Variants in MECOM observed in about 807,000 individuals in gnomAD.
MECOM encodes the protein MDS1 and EVI1 complex locus.
A neutral mutation model predicts 116.3 loss-of-function variants in MECOM; 13 were observed. That is an observed-to-expected ratio of 0.11 (90% confidence interval 0.07 to 0.18). The LOEUF is 0.18. MECOM is among the 10% of genes least tolerant of loss of function. MECOM has a pLI of 1.00. For missense variants in MECOM, 1,299 were observed against 1,509.0 expected (o/e 0.86, Z 2.31); for synonymous variants, 528 against 535.2 (o/e 0.99, Z 0.19).
Position 169,611,839 on chromosome 3 carries a change from A to C in MECOM, c.37+51497T>G, listed in dbSNP as rs1317339045. On this transcript the variant is annotated intron_variant, in intron 1 of 16. Coordinates refer to ENST00000651503, the MANE Select transcript of MECOM (RefSeq NM_004991.4). The surrounding 1 kb of genome is among the most constrained non-coding windows in gnomAD (Gnocchi z 4.1). ...TGTCCAGAAATCAGTAAAGAACATC[A>C]ATCTTGGTTGGGATAAATTTAAGTA... 6.6e-6 allele frequency among the ~76,000 whole-genome samples: 1 copy of C among 152,152 alleles called. No individual in the cohort carries two copies. Among genetic ancestry groups the C allele is most frequent in the Non-Finnish European group, 1.5e-5 (1 of 68,038 alleles).
chr3:169,594,008 C>T (rs537365325), intron 1 of MECOM, among the ~76,000 whole-genome samples: 2 of 151,878 alleles, frequency 1.3e-5, no homozygotes, highest in African/African-American at 4.8e-5. Flanking sequence ...GTAGTCCCAG[C>T]TACTCAGGAG....
chr3:169,597,605 A>G (rs1445549794), intron 1 of MECOM, among the ~76,000 whole-genome samples: 1 of 152,188 alleles, frequency 6.6e-6, no homozygotes, highest in Non-Finnish European at 1.5e-5. Flanking sequence ...AAAATATAAT[A>G]AGCAGATACA....
chr3:169,480,025 A>G (rs977084325), intron 1 of MECOM, among the ~76,000 whole-genome samples: 3 of 152,232 alleles, frequency 2.0e-5, no homozygotes, highest in Admixed American at 6.5e-5. Flanking sequence ...TACTTTCCAC[A>G]GTGAAGACAA....
Position 169,102,130 on chromosome 3 carries a change from T to G in MECOM, c.2701A>C (p.Asn901His), listed in dbSNP as rs758423143. The change falls in exon 11 of 17, where the codon AAC becomes CAC. Residue 901 changes from asparagine (N) to histidine (H), a missense_variant. Physicochemically the swap from Asn to His is moderately conservative, Grantham distance 68. Around this residue, in one of 6 missense-constraint regions of MECOM, gnomAD observed 340 missense variants for 312.6 expected, o/e 1.09. Transcript: ENST00000651503. ...AGGGCATTGGGAGGCGCCCTGAAGT[T>G]GAACATAGAGGGCACTGACTGTAAG... ...ELLQSVPSMF[N>H]FRAPPNALPE... 23 of 1,613,922 alleles carry G rather than the reference T, an allele frequency of 1.4e-5. No homozygotes were observed. Among genetic ancestry groups the G allele is most frequent in the Non-Finnish European group, 1.4e-5 (17 of 1,179,904 alleles).
intron 2 of MECOM, among the ~76,000 whole-genome samples, chr3:169,178,407 T>C (rs1745487248): frequency 6.6e-6 from 1 of 152,190 alleles, no homozygotes. Flanking sequence ...ATCTCCCAAA[T>C]AGAGCAGAGT....
At chr3:169,121,262 A>G (rs771691473) in intron 6 of MECOM, 53 bp from the exon 7 acceptor site, 40 of 1,518,656 alleles carry the variant, frequency 2.6e-5, no homozygotes, top group Non-Finnish European at 3.6e-5. Flanking sequence ...AGGGCACAAT[A>G]AAGAAGACCC....
intron 2 of MECOM, among the ~76,000 whole-genome samples, chr3:169,296,197 T>C (rs981680018): frequency 2.0e-5 from 3 of 152,150 alleles, no homozygotes; most frequent in Non-Finnish European, 4.4e-5. Context: ...CCTCCAGCTA[T>C]GGGACTCCTA....
At chr3:169,205,458 G>A (rs948067918) in intron 2 of MECOM, among the ~76,000 whole-genome samples, 40 of 152,152 alleles carry the variant, frequency 2.6e-4, no homozygotes, top group African/African-American at 8.7e-4. Flanking sequence ...AGGCCACACC[G>A]TACTGTACAT....
intron 1 of MECOM, among the ~76,000 whole-genome samples, chr3:169,555,500 T>C (rs1430987480): frequency 6.6e-6 from 1 of 152,210 alleles, no homozygotes; most frequent in Non-Finnish European, 1.5e-5. Flanking sequence ...TACACTTGGT[T>C]ACAAAAGAAA....
intron 1 of MECOM, 123 bp from the exon 2 acceptor site, chr3:169,381,647 G>T: frequency 1.4e-6 from 1 of 740,194 alleles, no homozygotes; most frequent in Non-Finnish European, 2.1e-6. Flanking sequence ...GTTACGATGT[G>T]CCTTCATTAA....
intron 2 of MECOM, among the ~76,000 whole-genome samples, chr3:169,302,475 CATTATA>C (rs776295542): frequency 3.3e-5 from 5 of 152,138 alleles, no homozygotes; most frequent in Admixed American, 6.5e-5. Flanking sequence ...ACAATTATTA[CATTATA>C]ATTATCGCCT....
chr3:169,576,332 C>T (rs148108106), intron 1 of MECOM, among the ~76,000 whole-genome samples: 32 of 152,130 alleles, frequency 2.1e-4, no homozygotes, highest in African/African-American at 5.5e-4. Flanking sequence ...ACATATTTAA[C>T]GCATCAAAAA....
chr3:169,483,746 A>G (rs1317979646), intron 1 of MECOM: 1 of 1,598,252 alleles, frequency 6.3e-7, no homozygotes, highest in African/African-American at 1.3e-5. Context: ...CTTTGCTGTT[A>G]GCAACTACGC....
chr3:169,207,771 T>A (rs920245833), intron 2 of MECOM, among the ~76,000 whole-genome samples: 2 of 152,178 alleles, frequency 1.3e-5, no homozygotes, highest in African/African-American at 4.8e-5. Flanking sequence ...ATGTCTTCTG[T>A]TAGGCTCCAT....
intron 1 of MECOM, among the ~76,000 whole-genome samples, chr3:169,594,070 G>A (rs66486533): frequency 0.59 from 88,127 of 148,846 alleles, 26,539 homozygotes; most frequent in South Asian, 0.72. Context: ...GCAGTGAGCC[G>A]AGATTGCACC....
intron 1 of MECOM, among the ~76,000 whole-genome samples, chr3:169,441,099 G>A (rs1743579589): frequency 1.3e-5 from 2 of 152,130 alleles, no homozygotes; most frequent in African/African-American, 4.8e-5. Context: ...ACATTGCTCT[G>A]GGCAGCCTGG....
At position 169,373,016 on chromosome 3, in the gene MECOM, C is replaced by T. The variant is rs180958821; in HGVS notation, c.375+8171G>A. Among the ~76,000 whole-genome samples the T allele has an allele frequency of 2.1e-3, 319 of 152,044 alleles. No individual in the cohort carries two copies. The Middle Eastern group carries it at 0.034, about 16-fold the overall frequency. On this transcript the variant is annotated intron_variant, in intron 2 of 16. Coordinates refer to ENST00000651503, the MANE Select transcript of MECOM (RefSeq NM_004991.4). The stretch of plus-strand genomic sequence containing the variant: ...TGAGAAAAACCTCATCCTGAACCAA[C>T]AGAACTCTAAAAAGTTATTTCTACT...
chr3:169,465,493 T>C (rs901435319), intron 1 of MECOM, among the ~76,000 whole-genome samples: 1 of 152,300 alleles, frequency 6.6e-6, no homozygotes, highest in East Asian at 1.9e-4. Flanking sequence ...TTAAATTCCA[T>C]TTGGACAAAG....
At chr3:169,451,263 A>G (rs1017538470) in intron 1 of MECOM, among the ~76,000 whole-genome samples, 1 of 152,024 alleles carries the variant, frequency 6.6e-6, no homozygotes, top group Non-Finnish European at 1.5e-5. Context: ...AAAAAAAAAA[A>G]AGCAAAATGT....
Sources: gnomAD v4.1 joint callset for allele counts (sites outside exome capture counted in the v4.1 genomes callset) on GRCh38, gnomAD v4.1.1 for gene constraint, gnomAD v4.1.1 regional missense constraint, Gnocchi (gnomAD v3.1) non-coding constraint, MANE v1.5 for transcripts, NCBI Gene and HGNC (gene_info 2026-07-23, HGNC 2026-07-21) for gene names.